Variants in ATXN1 observed in about 807,000 individuals in gnomAD.
ATXN1 encodes the protein ataxin 1, also known as ataxin-1.
Under a neutral mutation model 56.4 loss-of-function variants are expected in ATXN1, and 8 were observed. The observed-to-expected ratio is 0.14, with a 90% CI of 0.08 to 0.26. ATXN1 has a LOEUF of 0.26. Among genes scored for constraint, ATXN1 ranks in the 10% least tolerant of loss-of-function variants. The probability of loss-of-function intolerance (pLI) is 1.00; values close to 1 mark genes in which losing one functional copy is unlikely to be tolerated. For missense variants in ATXN1, 987 were observed against 1,106.5 expected, an observed-to-expected ratio of 0.89 and a Z score of 1.53; for synonymous variants, 514 against 494.6, an observed-to-expected ratio of 1.04 and a Z score of -0.52.
intron 5 of ATXN1, among the ~76,000 whole-genome samples, chr6:16,509,848 C>T (rs912966980): frequency 2.6e-5 from 4 of 152,344 alleles, no homozygotes; most frequent in Admixed American, 2.0e-4. Flanking sequence ...ACCTTCCCAA[C>T]TGTTATCTCC....
chr6:16,527,938 G>A (rs561087452), intron 4 of ATXN1, among the ~76,000 whole-genome samples: 7 of 152,092 alleles, frequency 4.6e-5, no homozygotes, highest in African/African-American at 1.4e-4. Flanking sequence ...CGTGGTCACC[G>A]CTTTTACATG....
At chr6:16,335,514 T>C (rs751866490) in intron 6 of ATXN1, among the ~76,000 whole-genome samples, 28 of 152,156 alleles carry the variant, frequency 1.8e-4, no homozygotes, top group Admixed American at 5.9e-4. Flanking sequence ...TAATCCAAGC[T>C]AGAAGGAGTC....
chr6:16,404,891 C>A (rs1392643882), intron 6 of ATXN1, among the ~76,000 whole-genome samples: 1 of 152,168 alleles, frequency 6.6e-6, no homozygotes. Flanking sequence ...ATAATCACGT[C>A]TCCACTCACC....
At chr6:16,359,540 T>C (rs561926004) in intron 6 of ATXN1, among the ~76,000 whole-genome samples, 7 of 151,938 alleles carry the variant, frequency 4.6e-5, no homozygotes, top group African/African-American at 1.4e-4. Context: ...CCCTCTCTGC[T>C]AAGAGGAGTG....
intron 2 of ATXN1, among the ~76,000 whole-genome samples, chr6:16,711,550 A>G (rs1759523789): frequency 6.6e-6 from 1 of 151,406 alleles, no homozygotes; most frequent in African/African-American, 2.4e-5. Context: ...ATATATATAC[A>G]CATATATATA....
intron 6 of ATXN1, among the ~76,000 whole-genome samples, chr6:16,337,690 C>T (rs1011051407): frequency 1.4e-4 from 22 of 152,160 alleles, no homozygotes; most frequent in African/African-American, 4.8e-4. Flanking sequence ...GTTAGCTACC[C>T]GGGGGCACCC....
intron 6 of ATXN1, among the ~76,000 whole-genome samples, chr6:16,342,372 T>C (rs1227598825): frequency 6.7e-6 from 1 of 149,986 alleles, no homozygotes; most frequent in Non-Finnish European, 1.5e-5. Flanking sequence ...AAATGGAAAA[T>C]AGCAAGTGTT....
At chr6:16,356,974 A>C (rs1235182878) in intron 6 of ATXN1, among the ~76,000 whole-genome samples, 1 of 152,196 alleles carries the variant, frequency 6.6e-6, no homozygotes, top group Admixed American at 6.5e-5. Context: ...ATCAGACCAT[A>C]ATACGGACAG....
At chr6:16,696,712 C>T (rs377370460) in intron 2 of ATXN1, among the ~76,000 whole-genome samples, 1 of 152,050 alleles carries the variant, frequency 6.6e-6, no homozygotes, top group East Asian at 1.9e-4. Flanking sequence ...AGAGAGGAAC[C>T]TATGATGGGA....
At chr6:16,575,456 G>T (rs187801794) in intron 4 of ATXN1, among the ~76,000 whole-genome samples, 34 of 151,990 alleles carry the variant, frequency 2.2e-4, no homozygotes, top group Middle Eastern at 3.4e-3. Flanking sequence ...TTATTCTTTG[G>T]GTTATAATCC....
intron 2 of ATXN1, among the ~76,000 whole-genome samples, chr6:16,714,821 G>A (rs1759604435): frequency 6.6e-6 from 1 of 152,050 alleles, no homozygotes; most frequent in African/African-American, 2.4e-5. Context: ...TACTCAAGGT[G>A]AATTCTTATC....
In ATXN1 at chr6:16,724,150, C is replaced by T. The variant is rs145287942; in HGVS notation, c.-615+29083G>A. Among the ~76,000 whole-genome samples, 1,105 of 152,278 alleles carry T rather than the reference C, an allele frequency of 7.3e-3. 20 individuals are homozygous for T. The highest frequency in any genetic ancestry group is 0.025 in the African/African-American group (1,047 of 41,552). On this transcript the variant is annotated intron_variant, in intron 2 of 7. Transcript: ENST00000436367. ...GAAGTACATACTTCATTGTCTTAAA[C>T]CCCGAGTGACTGGCATTCCCTTTAA...
At chr6:16,517,848 C>A (rs533034920) in intron 5 of ATXN1, among the ~76,000 whole-genome samples, 4 of 152,352 alleles carry the variant, frequency 2.6e-5, no homozygotes, top group Admixed American at 2.6e-4. Context: ...ACCACGATTG[C>A]TGAACTAGCT....
intron 3 of ATXN1, among the ~76,000 whole-genome samples, chr6:16,629,648 G>A (rs1237421554): frequency 6.6e-6 from 1 of 152,060 alleles, no homozygotes; most frequent in African/African-American, 2.4e-5. Context: ...AGGCAAGGTG[G>A]CTCATGCCTG....
intron 2 of ATXN1, among the ~76,000 whole-genome samples, chr6:16,711,397 TA>T (rs796329986): frequency 5.3e-5 from 8 of 152,114 alleles, no homozygotes; most frequent in African/African-American, 1.7e-4. Flanking sequence ...TAAAAAATGA[TA>T]AATTAGACTT....
intron 4 of ATXN1, among the ~76,000 whole-genome samples, chr6:16,566,834 C>T (rs1265200560): frequency 1.3e-5 from 2 of 151,838 alleles, no homozygotes; most frequent in South Asian, 2.1e-4. Context: ...CCAGCCTGGG[C>T]AACAGAGTGA....
At chr6:16,397,540 C>T (rs965936160) in intron 6 of ATXN1, among the ~76,000 whole-genome samples, 3 of 152,086 alleles carry the variant, frequency 2.0e-5, no homozygotes, top group African/African-American at 2.4e-5. Context: ...CCACTGTGCC[C>T]GGCCGCCAGT....
intron 3 of ATXN1, among the ~76,000 whole-genome samples, chr6:16,655,090 T>C (rs940715431): frequency 2.0e-5 from 3 of 152,278 alleles, no homozygotes; most frequent in African/African-American, 7.2e-5. Flanking sequence ...TAAAACAAAG[T>C]GTGGGGATCC....
intron 2 of ATXN1, among the ~76,000 whole-genome samples, chr6:16,697,593 C>T (rs777083784): frequency 4.0e-5 from 6 of 151,312 alleles, no homozygotes; most frequent in Non-Finnish European, 7.4e-5. Flanking sequence ...TAGTTCCACC[C>T]GCCCCTCCCC....
Sources: allele counts gnomAD v4.1 joint callset (sites outside exome capture counted in the v4.1 genomes callset), GRCh38; gene constraint gnomAD v4.1.1; transcripts MANE v1.5; gene names NCBI Gene and HGNC (gene_info 2026-07-23, HGNC 2026-07-21).